Variants in CAMK1D observed in about 807,000 individuals in gnomAD.
The protein encoded by CAMK1D is calcium/calmodulin-dependent protein kinase type 1D.
CAMK1D carries 9 observed loss-of-function variants against 47.7 expected under a neutral mutation model. That is an observed-to-expected ratio of 0.19 (90% confidence interval 0.11 to 0.33). The LOEUF (loss-of-function observed/expected upper bound fraction) is 0.33, where lower values mean the gene tolerates loss of function less well. Among genes scored for constraint, CAMK1D ranks in the 10% least tolerant of loss-of-function variants. The pLI, the probability that CAMK1D is intolerant of heterozygous loss-of-function variation, is 1.00. For missense variants in CAMK1D, 291 were observed against 488.7 expected, an observed-to-expected ratio of 0.60 and a Z score of 3.81; for synonymous variants, 184 against 184.9, an observed-to-expected ratio of 0.99 and a Z score of 0.04.
intron 2 of CAMK1D, among the ~76,000 whole-genome samples, chr10:12,624,772 G>A (rs1839154881): frequency 6.6e-6 from 1 of 152,106 alleles, no homozygotes; most frequent in Non-Finnish European, 1.5e-5. Context: ...CTATAGTGAT[G>A]TTTGCTTCCC....
chr10:12,620,008 G>A (rs1588697461), intron 2 of CAMK1D, among the ~76,000 whole-genome samples: 1 of 152,018 alleles, frequency 6.6e-6, no homozygotes, highest in African/African-American at 2.4e-5. Context: ...CGAAGTTGTT[G>A]TATGTATCAG....
intron 1 of CAMK1D, among the ~76,000 whole-genome samples, chr10:12,376,510 G>A (rs751164242): frequency 5.9e-5 from 9 of 152,086 alleles, no homozygotes; most frequent in Admixed American, 2.6e-4. Context: ...AGGGAGTGCC[G>A]CCAGGGGCAC....
At chr10:12,711,165 G>A (rs1399958386) in intron 3 of CAMK1D, among the ~76,000 whole-genome samples, 1 of 152,148 alleles carries the variant, frequency 6.6e-6, no homozygotes, top group African/African-American at 2.4e-5. Flanking sequence ...CTGGCTAAAA[G>A]CAAAAGAGAA....
chr10:12,481,504 A>G (rs1421634034), intron 1 of CAMK1D, among the ~76,000 whole-genome samples: 3 of 151,990 alleles, frequency 2.0e-5, no homozygotes, highest in Non-Finnish European at 4.4e-5. Context: ...CCTTGTGTCA[A>G]TTAAACTCTT....
At chr10:12,781,539 G>A (rs1837492317) in intron 5 of CAMK1D, among the ~76,000 whole-genome samples, 1 of 152,156 alleles carries the variant, frequency 6.6e-6, no homozygotes, top group African/African-American at 2.4e-5. Flanking sequence ...TCCCAGCTCA[G>A]ATGAGAATGG....
intron 2 of CAMK1D, among the ~76,000 whole-genome samples, chr10:12,593,590 C>G (rs2132368413): frequency 6.6e-6 from 1 of 152,062 alleles, no homozygotes; most frequent in Admixed American, 6.5e-5. Flanking sequence ...AACTCCGTCT[C>G]AAAAAACAAA....
At chr10:12,357,096 A>G (rs1004919848) in intron 1 of CAMK1D, among the ~76,000 whole-genome samples, 4 of 152,066 alleles carry the variant, frequency 2.6e-5, no homozygotes, top group African/African-American at 7.2e-5. Context: ...GGGCTTAGGC[A>G]TGGGTCCAGC....
At chr10:12,483,542 T>C (rs2132103900) in intron 1 of CAMK1D, among the ~76,000 whole-genome samples, 1 of 152,296 alleles carries the variant, frequency 6.6e-6, no homozygotes, top group East Asian at 1.9e-4. Context: ...AATTTTATTT[T>C]TTGTAGAGAT....
intron 3 of CAMK1D, among the ~76,000 whole-genome samples, chr10:12,700,441 G>A (rs1023155453): frequency 2.6e-5 from 4 of 152,086 alleles, no homozygotes; most frequent in South Asian, 2.1e-4. Flanking sequence ...GGGGGTAACC[G>A]CCCCCATGAT....
At chr10:12,356,957 G>T (rs1837537171) in intron 1 of CAMK1D, among the ~76,000 whole-genome samples, 1 of 151,934 alleles carries the variant, frequency 6.6e-6, no homozygotes, top group African/African-American at 2.4e-5. Flanking sequence ...GGATTTCAAG[G>T]GTTAACTTGT....
intron 3 of CAMK1D, among the ~76,000 whole-genome samples, chr10:12,702,491 A>C (rs1452852330): frequency 6.6e-6 from 1 of 152,236 alleles, no homozygotes; most frequent in African/African-American, 2.4e-5. Context: ...ATAAAGGCAC[A>C]CTGAACAAAC....
chr10:12,797,491 G>A (rs376733722), intron 6 of CAMK1D, among the ~76,000 whole-genome samples: 2 of 151,962 alleles, frequency 1.3e-5, no homozygotes, highest in East Asian at 1.9e-4. Context: ...ACAGGTATGA[G>A]CCACAGTGCC....
At chr10:12,803,108 T>C (rs1331624761) in intron 6 of CAMK1D, among the ~76,000 whole-genome samples, 1 of 152,226 alleles carries the variant, frequency 6.6e-6, no homozygotes, top group Non-Finnish European at 1.5e-5. Flanking sequence ...AAATTGAAGA[T>C]TGAAAAACTT....
chr10:12,500,530 A>G (rs2768444), intron 1 of CAMK1D, among the ~76,000 whole-genome samples: 57,722 of 152,030 alleles, frequency 0.38, 11,048 homozygotes, highest in East Asian at 0.46. Flanking sequence ...GCTGGGTGTC[A>G]TGCCATTCCA....
intron 2 of CAMK1D, among the ~76,000 whole-genome samples, chr10:12,611,473 C>T (rs923382227): frequency 5.9e-5 from 9 of 152,030 alleles, no homozygotes; most frequent in Admixed American, 4.6e-4. Context: ...GAAGCTCCGC[C>T]TGGGCCTGAG....
intron 1 of CAMK1D, among the ~76,000 whole-genome samples, chr10:12,370,594 G>A (rs968307858): frequency 3.3e-5 from 5 of 152,016 alleles, no homozygotes; most frequent in Non-Finnish European, 7.4e-5. Flanking sequence ...GTTGAACTAC[G>A]CTAATGTGTG....
intron 6 of CAMK1D, among the ~76,000 whole-genome samples, chr10:12,805,966 C>G (rs1004360385): frequency 6.6e-6 from 1 of 152,198 alleles, no homozygotes; most frequent in Non-Finnish European, 1.5e-5. Flanking sequence ...ATGATGGTGC[C>G]TAGCAAACTT....
At chr10:12,697,871 G>T (rs1435522280) in intron 3 of CAMK1D, among the ~76,000 whole-genome samples, 1 of 152,176 alleles carries the variant, frequency 6.6e-6, no homozygotes, top group Non-Finnish European at 1.5e-5. Context: ...ACAGCCATGG[G>T]GTGTGAAAGG....
rs1434718504 is a variant in CAMK1D, at chr10:12,591,848, C to A, written c.224+38492C>A. On this transcript the variant is annotated intron_variant, in intron 2 of 10. Transcript: ENST00000619168. ...AGCTGGGAATACAGGCACATGCCAC[C>A]ACGCCCAGCTAATTTTTTGTATTTT... Among the ~76,000 whole-genome samples the A allele has an allele frequency of 2.6e-5, 4 of 152,188 alleles. No individual in the cohort carries two copies. In the East Asian group the frequency reaches 5.8e-4, roughly 22 times the overall value.
Sources: gnomAD v4.1 joint callset for allele counts (sites outside exome capture counted in the v4.1 genomes callset) on GRCh38, gnomAD v4.1.1 for gene constraint, MANE v1.5 for transcripts, NCBI Gene and HGNC (gene_info 2026-07-23, HGNC 2026-07-21) for gene names.